INTS1: variants seen among roughly 807,000 people sequenced by gnomAD.
The protein encoded by INTS1 is integrator complex subunit 1.
In INTS1, 137 loss-of-function variants were observed where a neutral mutation model predicts 241.6. The observed-to-expected ratio is 0.57, with a 90% CI of 0.49 to 0.65. The LOEUF is 0.65. Ranked by LOEUF, INTS1 falls within the 30% of genes least tolerant of loss-of-function variation. The pLI is 0.00. For synonymous variants in INTS1, 1,692 were observed against 1,337.8 expected, an observed-to-expected ratio of 1.26 and a Z score of -5.78; for missense variants, 3,073 against 3,032.2, an observed-to-expected ratio of 1.01 and a Z score of -0.32.
intron 4 of INTS1, 22 bp from the exon 5 acceptor site, chr7:1,500,043 A>G (rs371750092): frequency 4.3e-6 from 7 of 1,610,422 alleles, no homozygotes; most frequent in Non-Finnish European, 5.9e-6. Context: ...GGCGCATGTC[A>G]CGTGGGAGCT....
At chr7:1,478,059 GC>G in intron 33 of INTS1, 123 bp from the exon 34 acceptor site, 5 of 861,366 alleles carry the variant, frequency 5.8e-6, no homozygotes, top group Non-Finnish European at 9.3e-6. Context: ...GCAGAGTCCA[GC>G]CGGAGCCAGA....
Position 1,482,503 on chromosome 7 carries a change from C to A in INTS1, c.3703+43G>T. 1 of 1,558,806 alleles carries A rather than the reference C, an allele frequency of 6.4e-7. No homozygotes were observed. Among genetic ancestry groups the A allele is most frequent in the Non-Finnish European group, 8.7e-7 (1 of 1,148,010 alleles). ...AAGGAGCAGGCAAGGGGCCCGGGACCCCTGAGTCAGCAGCCCCTGCCCAAG... is the reference window on the plus strand; with the variant it reads ...AAGGAGCAGGCAAGGGGCCCGGGACACCTGAGTCAGCAGCCCCTGCCCAAG... On this transcript the variant is annotated intron_variant, in intron 27 of 47. Coordinates refer to ENST00000404767, the MANE Select transcript of INTS1 (RefSeq NM_001080453.3).
chr7:1,471,811 A>G lies in INTS1; in HGVS notation c.6185-170T>C, dbSNP rs558282014. On this transcript the variant is annotated intron_variant, in intron 44 of 47. Transcript: ENST00000404767. ...AGTCACCTGCCCCCAAGCTCCACAA[A>G]TACCCGGCCCTGCCCCTACTAGTGG... 30 of 637,142 alleles carry G rather than the reference A, an allele frequency of 4.7e-5. 1 individual carries two copies. The South Asian group carries it at 5.3e-4, about 11-fold the overall frequency. 39.5% of individuals were successfully genotyped at this position (637,142 alleles called of 1,614,324 possible).
intron 20 of INTS1, 104 bp downstream of exon 20, chr7:1,487,216 C>T: frequency 1.3e-6 from 2 of 1,503,856 alleles, no homozygotes; most frequent in Non-Finnish European, 1.8e-6. Flanking sequence ...GCTCATGGGC[C>T]CCGCATCCAG....
chr7:1,492,223 G>A (rs998346776), intron 16 of INTS1, among the ~76,000 whole-genome samples: 7 of 152,232 alleles, frequency 4.6e-5, no homozygotes, highest in African/African-American at 1.7e-4. Flanking sequence ...GGAAGCAGCA[G>A]ACATGATCTC....
At chr7:1,503,773 C>A in intron 2 of INTS1, 130 bp downstream of exon 2, 2 of 684,458 alleles carry the variant, frequency 2.9e-6, no homozygotes, top group South Asian at 3.6e-5. Flanking sequence ...GTTTCCAGAC[C>A]GAATTCCTGG....
In INTS1 at chr7:1,487,007, AG is replaced by A; in HGVS notation, c.2740del (p.Leu914CysfsTer78). 1 of 1,605,874 alleles carries A rather than the reference AG, an allele frequency of 6.2e-7. No homozygotes were observed. The highest frequency in any genetic ancestry group is 8.5e-7 in the Non-Finnish European group (1 of 1,178,422). On this transcript the variant is annotated frameshift_variant, in exon 21 of 48. Transcript: ENST00000404767. LOFTEE classifies it high-confidence loss of function. ...VLPVQCLCEF[L>X]LHDAVDDAAS... is the part of the protein sequence containing the mutation. The stretch of plus-strand genomic sequence containing the variant: ...AGCATCGTCCACAGCATCGTGCAGC[AG>A]GAACTCGCACAGACACTGCACGGGC...
At chr7:1,478,092 G>A (rs113421109) in intron 33 of INTS1, among the ~76,000 whole-genome samples, 156 bp from the exon 34 acceptor site, 33 of 150,320 alleles carry the variant, frequency 2.2e-4, no homozygotes, top group East Asian at 1.2e-3. Flanking sequence ...AGCCGGGGCC[G>A]GAGAGGAGAG....
rs543577509 is a variant in INTS1, at chr7:1,493,419, C to T, written c.2069-313G>A. ...CCTCGGGGCAGAGCCACGGACGAGG[C>T]GCGAGCTGGATTTACAATCATTCTA... On this transcript the variant is annotated intron_variant, in intron 15 of 47. Coordinates refer to ENST00000404767, the MANE Select transcript of INTS1 (RefSeq NM_001080453.3). This position sits in a 1 kb window ranked among gnomAD's most constrained non-coding sequence, Gnocchi z 5.3. Among the ~76,000 whole-genome samples, 7 of 152,166 alleles carry T rather than the reference C, an allele frequency of 4.6e-5. No homozygotes were observed. The highest frequency in any genetic ancestry group is 1.4e-4 in the African/African-American group (6 of 41,514).
At chr7:1,501,110 C>G (rs1783155400) in intron 3 of INTS1, 1 of 151,890 alleles carries the variant, frequency 6.6e-6, no homozygotes, top group Non-Finnish European at 1.5e-5. Context: ...TACAGTGAAA[C>G]CCTGTCTCTA....
rs750471384 is a variant in INTS1, at chr7:1,485,375, T to C, written c.3071A>G (p.Gln1024Arg). Residue 1024 changes from glutamine (Q) to arginine (R), a missense_variant, in exon 23 of 48, where the codon CAG becomes CGG. Transcript: ENST00000404767. ...GTCCCGCAGCAGCCACTGATAGCCC[T>C]GCAGCACATCTGTGTCCCCCACATC... Reference protein sequence around the residue: ...EEDVGDTDVLQGYQWLLRDLP... With the variant: ...EEDVGDTDVLRGYQWLLRDLP... 8 of 1,612,756 alleles carry C rather than the reference T, an allele frequency of 5.0e-6. No homozygotes were observed. In the East Asian group the frequency reaches 1.1e-4, roughly 22 times the overall value.
At chr7:1,475,150 G>A (rs1018581941) in intron 39 of INTS1, among the ~76,000 whole-genome samples, 6 of 152,344 alleles carry the variant, frequency 3.9e-5, no homozygotes, top group African/African-American at 9.6e-5. Flanking sequence ...CTGTGAGGCC[G>A]CGGCAGAAGA....
Position 1,482,571 on chromosome 7 carries a change from A to G in INTS1, c.3678T>C (p.Ser1226=). Residue 1226 remains serine, a synonymous_variant, in exon 27 of 48, where the codon TCT becomes TCC. Transcript: ENST00000404767. ...CGGCGTCCACCAGGCGGAGCACCTC[A>G]GAACGGATCATGCGCAGCTTCAGCC... ...PDWLKLRMIR[S]EVLRLVDAAL... 1.2e-6 allele frequency: 2 copies of G among 1,612,716 alleles called. No individual in the cohort carries two copies. The highest frequency in any genetic ancestry group is 2.2e-5 in the South Asian group (2 of 91,084).
chr7:1,494,699 C>A, intron 14 of INTS1, 117 bp downstream of exon 14: 4 of 955,532 alleles, frequency 4.2e-6, no homozygotes, highest in Non-Finnish European at 6.4e-6. Flanking sequence ...CAGGATGGTG[C>A]TGTGACCATG....
Position 1,498,842 on chromosome 7 carries a change from G to A in INTS1, c.1148C>T (p.Pro383Leu), listed in dbSNP as rs376069725. ...GACGGACATCAGCAGGTCCTGGGCC[G>A]GCCGGGTCAGCTGCGGGGCCGAGGA... Reference protein sequence around the residue: ...MWLQNPKLTRPAQDLLMSVCM... With the variant: ...MWLQNPKLTRLAQDLLMSVCM... Residue 383 changes from proline to leucine, a missense_variant, in exon 9 of 48, where the codon CCG (proline) becomes CTG (leucine). Pro to Leu is a moderately conservative substitution (Grantham distance 98). Transcript: ENST00000404767. 1.2e-5 allele frequency: 20 copies of A among 1,603,708 alleles called. No individual in the cohort carries two copies. Among genetic ancestry groups the A allele is most frequent in the South Asian group, 2.3e-5 (2 of 88,722 alleles).
chr7:1,485,186 G>A lies in INTS1; in HGVS notation c.3173C>T (p.Thr1058Ile). Reference sequence around the variant, plus strand: ...GTAGGCGCTGATGGTCTGGGGATCAGTCTCCATGTGGATTGCCTGGAGGGG... The same window carrying A: ...GTAGGCGCTGATGGTCTGGGGATCAATCTCCATGTGGATTGCCTGGAGGGG... Reference protein sequence around the residue: ...LALQQAIHMETDPQTISAYLI... With the variant: ...LALQQAIHMEIDPQTISAYLI... Residue 1058 changes from threonine (T) to isoleucine (I), a missense_variant, in exon 24 of 48, where the codon ACT becomes ATT. Physicochemically the swap from Thr to Ile is moderately conservative, Grantham distance 89 (BLOSUM62 -1). Transcript: ENST00000404767. 6.2e-7 allele frequency: 1 copy of A among 1,600,518 alleles called. No homozygotes were observed. The highest frequency in any genetic ancestry group is 8.5e-7 in the Non-Finnish European group (1 of 1,179,526).
In INTS1 at chr7:1,493,958, C is replaced by A; in HGVS notation, c.1911-47G>T. 1 of 1,527,930 alleles carries A rather than the reference C, an allele frequency of 6.5e-7. No individual in the cohort carries two copies. Among genetic ancestry groups the A allele is most frequent in the Non-Finnish European group, 8.8e-7 (1 of 1,132,054 alleles). 94.6% of individuals were successfully genotyped at this position (1,527,930 alleles called of 1,614,324 possible). A position where few individuals can be genotyped will look rare whatever the true frequency, so the allele number is the denominator to read the frequency against. On this transcript the variant is annotated intron_variant, in intron 14 of 47. Coordinates refer to ENST00000404767, the MANE Select transcript of INTS1 (RefSeq NM_001080453.3). The surrounding 1 kb of genome is among the most constrained non-coding windows in gnomAD (Gnocchi z 5.3). ...ACTCGGTGTGGGCTGCCCACACCTG[C>A]CAGACCTGAGGGGCCGAGGACAGGC...
At chr7:1,472,998 T>A (rs1179044262) in intron 43 of INTS1, 74 bp downstream of exon 43, 1 of 1,001,710 alleles carries the variant, frequency 1.0e-6, no homozygotes, top group African/African-American at 1.7e-5. Flanking sequence ...CAGGGCTGGC[T>A]GTGCGCTGGG....
intron 39 of INTS1, 129 bp from the exon 40 acceptor site, chr7:1,474,967 T>C: frequency 8.0e-7 from 1 of 1,254,816 alleles, no homozygotes; most frequent in Non-Finnish European, 1.1e-6. Context: ...ACTGGCTCCT[T>C]ACGGCTTCCA....
Sources: allele counts gnomAD v4.1 joint callset (sites outside exome capture counted in the v4.1 genomes callset), GRCh38; gene constraint gnomAD v4.1.1; non-coding constraint Gnocchi (gnomAD v3.1); transcripts MANE v1.5; gene names NCBI Gene and HGNC (gene_info 2026-07-23, HGNC 2026-07-21).